Variants in PCDHA3 observed in about 807,000 individuals in gnomAD.
PCDHA3 encodes protocadherin alpha-3.
In PCDHA3, 41 loss-of-function variants were observed where a neutral mutation model predicts 62.2. That is an observed-to-expected ratio of 0.66 (90% CI 0.51 to 0.86). The LOEUF is 0.86. Among genes scored for constraint, PCDHA3 ranks in the 40% least tolerant of loss-of-function variants. The probability of loss-of-function intolerance (pLI) is 0.00; values close to 1 mark genes in which losing one functional copy is unlikely to be tolerated. For synonymous variants in PCDHA3, 640 were observed against 555.4 expected (o/e 1.15, Z -2.14); for missense variants, 1,304 against 1,241.2 (o/e 1.05, Z -0.76).
intron 1 of PCDHA3, chr5:140,842,143 T>C: frequency 6.2e-7 from 1 of 1,613,830 alleles, no homozygotes; most frequent in Non-Finnish European, 8.5e-7. Flanking sequence ...AAGGAGCCAA[T>C]GGGGCAATTT....
chr5:140,878,583 T>C (rs1355382396), intron 1 of PCDHA3, among the ~76,000 whole-genome samples: 1 of 152,236 alleles, frequency 6.6e-6, no homozygotes, highest in African/African-American at 2.4e-5. Context: ...CACTGCCCTG[T>C]GCCTATTACC....
intron 1 of PCDHA3, among the ~76,000 whole-genome samples, chr5:140,919,085 T>C (rs2078998041): frequency 1.3e-5 from 2 of 152,368 alleles, no homozygotes; most frequent in East Asian, 3.9e-4. Context: ...GACTATTGAA[T>C]TGTCTATTTC....
chr5:140,913,659 A>T (rs1414002446), intron 1 of PCDHA3, among the ~76,000 whole-genome samples: 2 of 152,044 alleles, frequency 1.3e-5, no homozygotes, highest in Non-Finnish European at 2.9e-5. Flanking sequence ...TTTAAGATGT[A>T]TAGTTAGGTT....
intron 1 of PCDHA3, chr5:140,927,842 T>A (rs201721848): frequency 1.9e-6 from 3 of 1,614,140 alleles, no homozygotes; most frequent in Admixed American, 1.7e-5. Context: ...GACGAAGGTG[T>A]CTTTGGTTTA....
intron 1 of PCDHA3, chr5:140,828,867 C>A: frequency 1.9e-6 from 3 of 1,614,214 alleles, no homozygotes; most frequent in South Asian, 1.1e-5. Flanking sequence ...GACAACGGAA[C>A]AACAGTTATC....
chr5:140,981,881 C>T lies in PCDHA3; in HGVS notation c.2454-594C>T, dbSNP rs138571007. Among the ~76,000 whole-genome samples the T allele has an allele frequency of 4.1e-3, 622 of 152,270 alleles. 4 individuals carry two copies. Among genetic ancestry groups the T allele is most frequent in the African/African-American group, 0.014 (590 of 41,550 alleles). ...CAGCAATGTTTTATGCTGAATTAAT[C>T]TCTTCTGAGCGGGGATCTGTGAGTG... On this transcript the variant is annotated intron_variant, in intron 2 of 3. Transcript: ENST00000522353.
At chr5:140,924,060 A>G (rs2081653054) in intron 1 of PCDHA3, among the ~76,000 whole-genome samples, 1 of 152,250 alleles carries the variant, frequency 6.6e-6, no homozygotes, top group African/African-American at 2.4e-5. Context: ...ACATCTTTAC[A>G]GTTGTATTTC....
chr5:141,010,949 C>T lies in PCDHA3; in HGVS notation c.*1012C>T, dbSNP rs1554263219. The T allele has an allele frequency of 6.5e-6, 1 of 153,762 alleles. No individual in the cohort carries two copies. Among genetic ancestry groups the T allele is most frequent in the African/African-American group, 2.4e-5 (1 of 41,442 alleles). 9.5% of individuals were successfully genotyped at this position (153,762 alleles called of 1,614,324 possible). On this transcript the variant is annotated 3_prime_UTR_variant, in exon 4 of 4. Transcript: ENST00000522353. ...TTCAGTCTACAGCCATTTAAATGAT[C>T]ATTGCTGCTACAGAAGTGCTTTAAG...
intron 1 of PCDHA3, among the ~76,000 whole-genome samples, chr5:140,945,169 AAAAT>A (rs1302154201): frequency 2.0e-5 from 3 of 152,164 alleles, no homozygotes; most frequent in Non-Finnish European, 4.4e-5. Context: ...AACTATCTGA[AAAAT>A]AAATCAAGAA....
chr5:140,900,063 G>A (rs1554188862), intron 1 of PCDHA3, among the ~76,000 whole-genome samples: 3 of 152,122 alleles, frequency 2.0e-5, no homozygotes, highest in African/African-American at 7.2e-5. Context: ...TTTAACCTCA[G>A]CCTCCAAAAG....
At chr5:141,005,192 TTTCA>T (rs1554259924) in intron 3 of PCDHA3, among the ~76,000 whole-genome samples, 1 of 152,220 alleles carries the variant, frequency 6.6e-6, no homozygotes, top group African/African-American at 2.4e-5. Context: ...ACATCAGTCC[TTTCA>T]TTCATTCATC....
Position 140,848,531 on chromosome 5 carries a change from G to C in PCDHA3, c.2394+44940G>C. On this transcript the variant is annotated intron_variant, in intron 1 of 3. Coordinates refer to ENST00000522353, the MANE Select transcript of PCDHA3 (RefSeq NM_018906.3). ...CAAGTCGAGGAGATCCAGAGGGTCA[G>C]CCTCTACTGCTCTCGCTTCTGATCC... 3 of 1,594,876 alleles carry C rather than the reference G, an allele frequency of 1.9e-6. 1 individual carries two copies. The South Asian group carries it at 3.3e-5, about 18-fold the overall frequency.
chr5:140,884,357 A>C, intron 1 of PCDHA3: 1 of 1,613,864 alleles, frequency 6.2e-7, no homozygotes. Context: ...GGTGGATGTC[A>C]ATGTTTACTT....
intron 1 of PCDHA3, chr5:140,869,676 A>G (rs1264007224): frequency 6.2e-7 from 1 of 1,613,486 alleles, no homozygotes; most frequent in African/African-American, 1.3e-5. Flanking sequence ...AGATTAAAAG[A>G]CTGTCACTTA....
chr5:140,835,887 C>A (rs1554135389), intron 1 of PCDHA3: 1 of 1,611,780 alleles, frequency 6.2e-7, no homozygotes, highest in South Asian at 1.1e-5. Flanking sequence ...GGTGGGCGAG[C>A]GCGCGCTGTC....
intron 1 of PCDHA3, among the ~76,000 whole-genome samples, chr5:140,840,092 G>T (rs1554137685): frequency 6.6e-6 from 1 of 151,972 alleles, no homozygotes; most frequent in Admixed American, 6.6e-5. Flanking sequence ...ACTTGTTGAA[G>T]ATTTTAGTGA....
chr5:140,928,889 A>T, intron 1 of PCDHA3: 2 of 1,614,118 alleles, frequency 1.2e-6, no homozygotes, highest in Non-Finnish European at 1.7e-6. Flanking sequence ...TTACTTCCAG[A>T]CTTTGAAGAT....
chr5:140,858,275 G>C (rs2045316714), intron 1 of PCDHA3: 2 of 1,597,458 alleles, frequency 1.3e-6, no homozygotes, highest in African/African-American at 1.3e-5. Context: ...CTCTAGCGCG[G>C]TGGGGAGCTG....
At chr5:140,965,716 C>T (rs75761543) in intron 1 of PCDHA3, among the ~76,000 whole-genome samples, 2,507 of 152,272 alleles carry the variant, frequency 0.016, 70 homozygotes, top group African/African-American at 0.056. Flanking sequence ...AGAAGAATCT[C>T]TTTAAAAATT....
Sources: gnomAD v4.1 joint callset for allele counts (sites outside exome capture counted in the v4.1 genomes callset) on GRCh38, gnomAD v4.1.1 for gene constraint, MANE v1.5 for transcripts, NCBI Gene and HGNC (gene_info 2026-07-23, HGNC 2026-07-21) for gene names.